The following OPCML variants were observed in gnomAD, a reference collection of about 807,000 sequenced individuals.
OPCML encodes the protein opioid-binding protein/cell adhesion molecule.
In OPCML, 13 loss-of-function variants were observed where a neutral mutation model predicts 37.8. The ratio of observed to expected loss-of-function variants is 0.34; its 90% CI spans 0.22 to 0.55. The LOEUF (loss-of-function observed/expected upper bound fraction) is 0.55. Among genes scored for constraint, OPCML ranks in the 20% least tolerant of loss-of-function variants. OPCML has a pLI of 0.91. For synonymous variants in OPCML, 176 were observed against 168.8 expected (o/e 1.04, Z -0.33); for missense variants, 341 against 435.6 (o/e 0.78, Z 1.93).
intron 1 of OPCML, among the ~76,000 whole-genome samples, chr11:133,314,108 G>A (rs542499748): frequency 2.7e-5 from 4 of 148,924 alleles, no homozygotes; most frequent in East Asian, 4.2e-4. Context: ...AGTGGCGGGC[G>A]CCTGTAGTCC....
chr11:132,589,997 A>G (rs908829334), intron 3 of OPCML, among the ~76,000 whole-genome samples: 3 of 152,132 alleles, frequency 2.0e-5, no homozygotes, highest in Non-Finnish European at 4.4e-5. Flanking sequence ...AGCTGGGCTT[A>G]GTTTGCTGAC....
chr11:133,172,682 A>G (rs1950303809), intron 1 of OPCML, among the ~76,000 whole-genome samples: 1 of 152,170 alleles, frequency 6.6e-6, no homozygotes, highest in African/African-American at 2.4e-5. Flanking sequence ...GATTTGAGTG[A>G]GAAAACTCAG....
chr11:133,161,169 T>C (rs1434881437), intron 1 of OPCML, among the ~76,000 whole-genome samples: 1 of 152,184 alleles, frequency 6.6e-6, no homozygotes, highest in Non-Finnish European at 1.5e-5. Flanking sequence ...TTCTGTGGCT[T>C]TGGGACTGAG....
intron 2 of OPCML, among the ~76,000 whole-genome samples, chr11:132,804,422 G>T (rs1591633468): frequency 6.6e-6 from 1 of 152,320 alleles, no homozygotes; most frequent in Non-Finnish European, 1.5e-5. Flanking sequence ...GGAGGCCCCT[G>T]CAAGTCTGTG....
intron 1 of OPCML, among the ~76,000 whole-genome samples, chr11:133,204,890 A>ATATATGTGTG (rs1555114239): frequency 6.1e-5 from 8 of 131,984 alleles, no homozygotes; most frequent in Non-Finnish European, 9.8e-5. Context: ...ATATATATAT[A>ATATATGTGTG]TATATATATA....
At chr11:133,318,050 T>C (rs185482117) in intron 1 of OPCML, among the ~76,000 whole-genome samples, 36 of 152,280 alleles carry the variant, frequency 2.4e-4, no homozygotes, top group African/African-American at 8.7e-4. Context: ...AGAGGTTGGG[T>C]TACTTGCCAA....
chr11:132,584,309 A>G (rs1288615011), intron 3 of OPCML, among the ~76,000 whole-genome samples: 1 of 152,104 alleles, frequency 6.6e-6, no homozygotes, highest in Admixed American at 6.6e-5. Flanking sequence ...GCATTTTTTT[A>G]TTAAAAAGGA....
At chr11:132,503,500 G>A (rs1592276221) in intron 4 of OPCML, among the ~76,000 whole-genome samples, 1 of 151,822 alleles carries the variant, frequency 6.6e-6, no homozygotes. Context: ...ATCTAACAAT[G>A]CATTAAAAAT....
At chr11:133,266,250 T>C (rs996613413) in intron 1 of OPCML, among the ~76,000 whole-genome samples, 4 of 152,136 alleles carry the variant, frequency 2.6e-5, no homozygotes, top group Non-Finnish European at 5.9e-5. Context: ...TAGCACACTT[T>C]GGCTCCATCC....
intron 1 of OPCML, among the ~76,000 whole-genome samples, chr11:133,410,634 T>TAAAAAAAAAAAAAAAAA (rs71038527): frequency 6.4e-5 from 3 of 47,012 alleles, no homozygotes; most frequent in Non-Finnish European, 8.8e-5. Flanking sequence ...AGAAAAAAAG[T>TAAAAAAAAAAAAAAAAA]AAAAAAAAAA....
chr11:132,451,561 A>C (rs1277655677), intron 4 of OPCML, among the ~76,000 whole-genome samples: 1 of 152,180 alleles, frequency 6.6e-6, no homozygotes, highest in Non-Finnish European at 1.5e-5. Flanking sequence ...ACAGGTAAAA[A>C]TAAAAAATAG....
intron 2 of OPCML, chr11:132,771,928 G>C (rs1946650752): frequency 6.6e-6 from 1 of 152,172 alleles, no homozygotes; most frequent in Non-Finnish European, 1.5e-5. Flanking sequence ...AGCATAACTG[G>C]GCTCAGTCGG....
intron 2 of OPCML, among the ~76,000 whole-genome samples, chr11:132,840,333 A>C (rs558553648): frequency 6.6e-6 from 1 of 152,354 alleles, no homozygotes; most frequent in South Asian, 2.1e-4. Flanking sequence ...AAAATGCAGC[A>C]GCCCTGTGTC....
intron 2 of OPCML, among the ~76,000 whole-genome samples, chr11:132,705,807 C>T (rs958793298): frequency 1.1e-4 from 16 of 151,902 alleles, no homozygotes; most frequent in South Asian, 2.1e-4. Flanking sequence ...TACCCAGTCT[C>T]GGGTATTTCT....
intron 1 of OPCML, among the ~76,000 whole-genome samples, chr11:133,083,143 C>T (rs1948764439): frequency 2.0e-5 from 3 of 150,738 alleles, no homozygotes; most frequent in Admixed American, 2.0e-4. Flanking sequence ...CGCACACACA[C>T]GCACACACAC....
rs11223075 is a variant in OPCML, at chr11:132,447,829, A to G, written c.506-10470T>C. On this transcript the variant is annotated intron_variant, in intron 4 of 7. Transcript: ENST00000524381. The stretch of plus-strand genomic sequence containing the variant: ...GGACCAAATAGGGTGTGGCCGCTCC[A>G]ATGTAGGACTCTGCTGGACTGATGG... 2.6e-5 allele frequency among the ~76,000 whole-genome samples: 4 copies of G among 152,298 alleles called. No individual in the cohort carries two copies. In the East Asian group the frequency reaches 7.7e-4, roughly 29 times the overall value.
intron 3 of OPCML, among the ~76,000 whole-genome samples, chr11:132,573,044 A>T (rs73036876): frequency 6.6e-6 from 1 of 151,656 alleles, no homozygotes; most frequent in South Asian, 2.1e-4. Flanking sequence ...TTTCTTTTTA[A>T]GATAGTTTAT....
chr11:133,276,834 C>T (rs1430721067), intron 1 of OPCML, among the ~76,000 whole-genome samples: 1 of 152,028 alleles, frequency 6.6e-6, no homozygotes, highest in Non-Finnish European at 1.5e-5. Flanking sequence ...AACGACTTTG[C>T]CCCAATTATT....
intron 1 of OPCML, among the ~76,000 whole-genome samples, chr11:133,318,232 T>C (rs923489692): frequency 6.6e-6 from 1 of 152,210 alleles, no homozygotes; most frequent in East Asian, 1.9e-4. Context: ...GGCTAAATGT[T>C]ATTTAGGCTC....
Sources: allele counts gnomAD v4.1 joint callset (sites outside exome capture counted in the v4.1 genomes callset), GRCh38; gene constraint gnomAD v4.1.1; transcripts MANE v1.5; gene names NCBI Gene and HGNC (gene_info 2026-07-23, HGNC 2026-07-21).